EPHA5: variants seen among roughly 807,000 people sequenced by gnomAD.
EPHA5 encodes EPH receptor A5.
Under a neutral mutation model 105.0 loss-of-function variants are expected in EPHA5, and 60 were observed. The ratio of observed to expected loss-of-function variants is 0.57; its 90% CI spans 0.46 to 0.71. The LOEUF is 0.71. Ranked by LOEUF, EPHA5 falls within the 30% of genes least tolerant of loss-of-function variation. The probability of loss-of-function intolerance (pLI) is 0.00; values close to 1 mark genes in which losing one functional copy is unlikely to be tolerated. For missense variants in EPHA5, 1,218 were observed against 1,274.7 expected (o/e 0.96, Z 0.68); for synonymous variants, 513 against 449.1 (o/e 1.14, Z -1.80).
At chr4:65,606,945 G>A (rs1277048944) in intron 2 of EPHA5, among the ~76,000 whole-genome samples, 1 of 152,014 alleles carries the variant, frequency 6.6e-6, no homozygotes, top group South Asian at 2.1e-4. Flanking sequence ...TCACCTAACT[G>A]CCTCTTTAAA....
chr4:65,490,159 G>T (rs1405619960), intron 5 of EPHA5, among the ~76,000 whole-genome samples: 1 of 152,112 alleles, frequency 6.6e-6, no homozygotes, highest in East Asian at 1.9e-4. Context: ...AAAATGTTTT[G>T]TTTTGTTTTG....
At chr4:65,353,971 G>A (rs2148863226) in intron 11 of EPHA5, among the ~76,000 whole-genome samples, 1 of 151,812 alleles carries the variant, frequency 6.6e-6, no homozygotes, top group Middle Eastern at 3.4e-3. Flanking sequence ...ATGTAGCCTA[G>A]AGGTCAGCTG....
Position 65,322,533 on chromosome 4 carries a change from A to T in EPHA5, c.*1581T>A, listed in dbSNP as rs898328220. On this transcript the variant is annotated 3_prime_UTR_variant, in exon 17 of 17. Transcript: ENST00000613740. ...CATAATTTTTATAAAGTGTAATAAT[A>T]CAAAAATGTTGGTTATCTCAGGAGC... is the stretch of plus-strand genomic sequence containing the variant. 1 of 225,188 alleles carries T rather than the reference A, an allele frequency of 4.4e-6. No individual in the cohort carries two copies. Among genetic ancestry groups the T allele is most frequent in the East Asian group, 6.4e-5 (1 of 15,708 alleles). 13.9% of individuals were successfully genotyped at this position (225,188 alleles called of 1,614,324 possible). A position where few individuals can be genotyped will look rare whatever the true frequency, so the allele number is the denominator to read the frequency against.
intron 3 of EPHA5, among the ~76,000 whole-genome samples, chr4:65,535,468 A>T (rs1736201793): frequency 6.6e-6 from 1 of 152,192 alleles, no homozygotes. Flanking sequence ...TCAAATGTTA[A>T]AAATGCAGAT....
chr4:65,545,755 C>T (rs528444603), intron 3 of EPHA5, among the ~76,000 whole-genome samples: 2 of 151,936 alleles, frequency 1.3e-5, no homozygotes, highest in Admixed American at 6.6e-5. Context: ...CTCTTTAAAT[C>T]GAATAAGAGC....
chr4:65,668,592 A>T (rs1750165598), intron 1 of EPHA5, among the ~76,000 whole-genome samples: 1 of 152,220 alleles, frequency 6.6e-6, no homozygotes, highest in African/African-American at 2.4e-5. Flanking sequence ...CAGAGGTCTC[A>T]GGTCCAAGAG....
intron 5 of EPHA5, among the ~76,000 whole-genome samples, chr4:65,467,032 G>A (rs904843394): frequency 2.0e-5 from 3 of 152,088 alleles, no homozygotes; most frequent in Non-Finnish European, 4.4e-5. Flanking sequence ...ATTACCATTG[G>A]GACAAAAGAA....
chr4:65,333,389 C>T (rs1241411942), intron 15 of EPHA5, among the ~76,000 whole-genome samples: 3 of 151,596 alleles, frequency 2.0e-5, no homozygotes, highest in Non-Finnish European at 4.4e-5. Flanking sequence ...TTGCCAAAAT[C>T]TGTGAGCACT....
At chr4:65,621,601 G>T (rs951003023) in intron 2 of EPHA5, among the ~76,000 whole-genome samples, 3 of 152,012 alleles carry the variant, frequency 2.0e-5, no homozygotes, top group African/African-American at 7.2e-5. Context: ...ATAAATGAAG[G>T]TACCAACATC....
At chr4:65,580,526 G>A (rs1741509424) in intron 3 of EPHA5, among the ~76,000 whole-genome samples, 1 of 151,688 alleles carries the variant, frequency 6.6e-6, no homozygotes, top group Admixed American at 6.6e-5. Context: ...ATTCAAGGGT[G>A]GTAGAATATT....
intron 5 of EPHA5, among the ~76,000 whole-genome samples, chr4:65,478,008 C>A (rs1729996012): frequency 1.3e-5 from 2 of 152,090 alleles, no homozygotes; most frequent in Admixed American, 1.3e-4. Context: ...TCTATCCCAA[C>A]CATAATCGTT....
At chr4:65,361,279 C>T (rs894419641) in intron 11 of EPHA5, among the ~76,000 whole-genome samples, 4 of 151,428 alleles carry the variant, frequency 2.6e-5, no homozygotes, top group African/African-American at 7.3e-5. Flanking sequence ...TTGAATTAAA[C>T]CTGAAGGTCG....
At chr4:65,404,523 A>G (rs3749525) in intron 7 of EPHA5, 44 bp from the exon 8 acceptor site, 246,567 of 1,555,418 alleles carry the variant, frequency 0.16, 20,314 homozygotes, top group Middle Eastern at 0.23. Flanking sequence ...TAAAGTGATC[A>G]CATGCATTCA....
chr4:65,530,860 C>T (rs1448851495), intron 3 of EPHA5, among the ~76,000 whole-genome samples: 1 of 151,990 alleles, frequency 6.6e-6, no homozygotes, highest in African/African-American at 2.4e-5. Flanking sequence ...ACAGTGTGTC[C>T]AACAATAAGC....
At chr4:65,501,961 T>C (rs1180042251) in intron 3 of EPHA5, among the ~76,000 whole-genome samples, 1 of 151,484 alleles carries the variant, frequency 6.6e-6, no homozygotes, top group Non-Finnish European at 1.5e-5. Context: ...ACCTACAACC[T>C]TTTGATCTTT....
At chr4:65,615,760 T>TA (rs1745176267) in intron 2 of EPHA5, among the ~76,000 whole-genome samples, 1 of 151,800 alleles carries the variant, frequency 6.6e-6, no homozygotes, top group Non-Finnish European at 1.5e-5. Flanking sequence ...TTGAAATGAA[T>TA]AAAAAATCAT....
chr4:65,331,589 T>G (rs1720622205), intron 16 of EPHA5: 1 of 1,062,832 alleles, frequency 9.4e-7, no homozygotes, highest in East Asian at 5.1e-5. Flanking sequence ...TTGGTCCTTA[T>G]GTAGGACTAG....
intron 3 of EPHA5, among the ~76,000 whole-genome samples, chr4:65,567,669 T>A (rs185846468): frequency 2.6e-5 from 4 of 151,750 alleles, no homozygotes; most frequent in African/African-American, 9.6e-5. Context: ...TCTAAAAGCA[T>A]ATTTTGCAAA....
At chr4:65,505,367 C>A (rs13109793) in intron 3 of EPHA5, among the ~76,000 whole-genome samples, 12,196 of 152,052 alleles carry the variant, frequency 0.08, 664 homozygotes, top group East Asian at 0.15. Flanking sequence ...ACAAATGGCA[C>A]TTTTGAACAG....
Sources: gnomAD v4.1 joint callset for allele counts (sites outside exome capture counted in the v4.1 genomes callset) on GRCh38, gnomAD v4.1.1 for gene constraint, MANE v1.5 for transcripts, NCBI Gene and HGNC (gene_info 2026-07-23, HGNC 2026-07-21) for gene names.